The following PRKN variants were observed in gnomAD, a reference collection of about 807,000 sequenced individuals.
The protein encoded by PRKN is parkin RBR E3 ubiquitin protein ligase.
A neutral mutation model predicts 59.5 loss-of-function variants in PRKN; 56 were observed. The ratio of observed to expected loss-of-function variants is 0.94; its 90% CI spans 0.76 to 1.18. PRKN has a LOEUF of 1.18. Among genes scored for constraint, PRKN ranks in the 50% most tolerant of loss-of-function variants. PRKN has a pLI of 0.00. For synonymous variants in PRKN, 250 were observed against 222.1 expected, an observed-to-expected ratio of 1.13 and a Z score of -1.12; for missense variants, 657 against 596.4, an observed-to-expected ratio of 1.10 and a Z score of -1.06.
At chr6:162,266,087 C>G (rs1408541715) in intron 2 of PRKN, among the ~76,000 whole-genome samples, 1 of 152,136 alleles carries the variant, frequency 6.6e-6, no homozygotes, top group African/African-American at 2.4e-5. Flanking sequence ...AGCTTTGCCA[C>G]AGAAGGAAAA....
At chr6:162,042,695 C>A (rs573806517) in intron 5 of PRKN, among the ~76,000 whole-genome samples, 2 of 152,124 alleles carry the variant, frequency 1.3e-5, no homozygotes, top group Non-Finnish European at 2.9e-5. Context: ...ATACTACTCA[C>A]TATTAAATAC....
At chr6:161,601,146 A>C (rs975038013) in intron 7 of PRKN, among the ~76,000 whole-genome samples, 4 of 152,234 alleles carry the variant, frequency 2.6e-5, no homozygotes, top group Admixed American at 2.6e-4. Context: ...CATATTGAAT[A>C]TATTTGTTTT....
chr6:162,641,008 T>C (rs1250935210), intron 1 of PRKN, among the ~76,000 whole-genome samples: 1 of 152,128 alleles, frequency 6.6e-6, no homozygotes, highest in African/African-American at 2.4e-5. Context: ...CATAACTATT[T>C]CATAAGGGTT....
chr6:161,996,871 G>A (rs893467260), intron 5 of PRKN, among the ~76,000 whole-genome samples: 8 of 151,712 alleles, frequency 5.3e-5, no homozygotes, highest in Non-Finnish European at 1.2e-4. Flanking sequence ...CATGGAGAAA[G>A]CACCTAAATC....
At chr6:161,715,545 G>C (rs555704276) in intron 7 of PRKN, among the ~76,000 whole-genome samples, 1 of 152,176 alleles carries the variant, frequency 6.6e-6, no homozygotes. Context: ...TTCATTTAAA[G>C]ATGTGTCCTC....
rs535147914 is a variant in PRKN at position 161,539,118 on chromosome 6, A to G, written c.1083+9736T>C. On this transcript the variant is annotated intron_variant, in intron 9 of 11. Transcript: ENST00000366898. ...CACTAAAATCCCCTGTAGGAAGTTG[A>G]TTGCTAGAATACAGATATGTGCAAA... is the stretch of plus-strand genomic sequence containing the variant. 2.0e-5 allele frequency among the ~76,000 whole-genome samples: 3 copies of G among 152,366 alleles called. No individual in the cohort carries two copies. In the East Asian group the frequency reaches 5.8e-4, roughly 29 times the overall value.
At chr6:162,224,993 A>G (rs1778104349) in intron 3 of PRKN, among the ~76,000 whole-genome samples, 1 of 152,168 alleles carries the variant, frequency 6.6e-6, no homozygotes, top group South Asian at 2.1e-4. Context: ...TTCTGTGGTT[A>G]TAACAGTATA....
At chr6:162,213,053 G>GA (rs1381966447) in intron 3 of PRKN, among the ~76,000 whole-genome samples, 1 of 151,570 alleles carries the variant, frequency 6.6e-6, no homozygotes, top group Non-Finnish European at 1.5e-5. Context: ...CAGTCAATAG[G>GA]AAAAAAAATG....
At chr6:162,080,658 G>T (rs918675496) in intron 4 of PRKN, among the ~76,000 whole-genome samples, 1 of 152,022 alleles carries the variant, frequency 6.6e-6, no homozygotes, top group Non-Finnish European at 1.5e-5. Flanking sequence ...TTTTGCTAGT[G>T]GCAGGTCTTG....
intron 1 of PRKN, among the ~76,000 whole-genome samples, chr6:162,589,293 T>A (rs13215491): frequency 6.6e-6 from 1 of 152,080 alleles, no homozygotes; most frequent in Non-Finnish European, 1.5e-5. Flanking sequence ...TTTGTTTCAT[T>A]GTAAATATCT....
chr6:162,421,559 A>G (rs1344683920), intron 2 of PRKN, among the ~76,000 whole-genome samples: 2 of 152,182 alleles, frequency 1.3e-5, no homozygotes, highest in African/African-American at 4.8e-5. Flanking sequence ...ACAATATGGC[A>G]CCTTCTCAAT....
In PRKN at chr6:161,644,073, A is replaced by C. The variant is rs118096433; in HGVS notation, c.872-74657T>G. ...CTGGTAGGGTCCCGCAGGAAGGAGA[A>C]TCTTTCCTCCAAGGTGGCTCACCTC... On this transcript the variant is annotated intron_variant, in intron 7 of 11. Transcript: ENST00000366898. Among the ~76,000 whole-genome samples, 752 of 152,296 alleles carry C rather than the reference A, an allele frequency of 4.9e-3. 17 individuals carry two copies. In the East Asian group the frequency reaches 0.062, roughly 13 times the overall value.
rs759309558 is a variant in PRKN at position 162,710,414 on chromosome 6, C to CACACACACACACACACACACAA, written c.7+17247_7+17248insTTGTGTGTGTGTGTGTGTGTGT. Among the ~76,000 whole-genome samples the CACACACACACACACACACACAA allele has an allele frequency of 1.6e-3, 247 of 150,052 alleles. 2 individuals carry two copies. Among genetic ancestry groups the CACACACACACACACACACACAA allele is most frequent in the African/African-American group, 5.9e-3 (235 of 40,148 alleles). On this transcript the variant is annotated intron_variant, in intron 1 of 11. Coordinates refer to ENST00000366898, the MANE Select transcript of PRKN (RefSeq NM_004562.3). ...ACACACACACACACACACACACACA[C>CACACACACACACACACACACAA]AACTGTTTGGTATGATGAGGAAGAA...
At chr6:162,029,543 C>A (rs1490121208) in intron 5 of PRKN, among the ~76,000 whole-genome samples, 1 of 152,164 alleles carries the variant, frequency 6.6e-6, no homozygotes, top group Non-Finnish European at 1.5e-5. Flanking sequence ...TGGCACCGTG[C>A]ACCGCACTCT....
At chr6:162,254,713 T>A (rs1449347247) in intron 3 of PRKN, among the ~76,000 whole-genome samples, 1 of 152,158 alleles carries the variant, frequency 6.6e-6, no homozygotes, top group Non-Finnish European at 1.5e-5. Flanking sequence ...TTAAGCCCCC[T>A]GTGACCTATA....
At chr6:162,525,444 C>A (rs1337372734) in intron 1 of PRKN, among the ~76,000 whole-genome samples, 1 of 152,194 alleles carries the variant, frequency 6.6e-6, no homozygotes, top group Non-Finnish European at 1.5e-5. Flanking sequence ...ACATCGCTCA[C>A]TCCCTCAGAG....
chr6:162,597,488 A>G (rs886407398), intron 1 of PRKN, among the ~76,000 whole-genome samples: 9 of 152,216 alleles, frequency 5.9e-5, no homozygotes, highest in Admixed American at 6.5e-5. Context: ...GTTTTGATTC[A>G]CAGATTTGAC....
intron 4 of PRKN, among the ~76,000 whole-genome samples, chr6:162,111,019 T>A (rs1356696078): frequency 1.3e-5 from 2 of 152,058 alleles, no homozygotes; most frequent in African/African-American, 4.8e-5. Context: ...AAATGCAACG[T>A]GTGGGCTTCA....
At chr6:161,626,016 T>C (rs752585554) in intron 7 of PRKN, among the ~76,000 whole-genome samples, 5 of 152,344 alleles carry the variant, frequency 3.3e-5, no homozygotes, top group Admixed American at 6.5e-5. Context: ...TTTACATCTG[T>C]ACATCATCTG....
Sources: gnomAD v4.1 joint callset for allele counts (sites outside exome capture counted in the v4.1 genomes callset) on GRCh38, gnomAD v4.1.1 for gene constraint, MANE v1.5 for transcripts, NCBI Gene and HGNC (gene_info 2026-07-23, HGNC 2026-07-21) for gene names.